The following ARHGAP10 variants were observed in gnomAD, a reference collection of about 807,000 sequenced individuals.
ARHGAP10 encodes rho GTPase-activating protein 10.
In ARHGAP10, 87 loss-of-function variants were observed where a neutral mutation model predicts 108.6. The observed-to-expected ratio is 0.80, with a 90% CI of 0.67 to 0.96. The LOEUF is 0.96. ARHGAP10 is among the 40% of genes least tolerant of loss of function. The probability of loss-of-function intolerance (pLI) is 0.00; values close to 1 mark genes in which losing one functional copy is unlikely to be tolerated. For synonymous variants in ARHGAP10, 347 were observed against 341.1 expected (o/e 1.02, Z -0.19); for missense variants, 939 against 954.5 (o/e 0.98, Z 0.21).
intron 14 of ARHGAP10, among the ~76,000 whole-genome samples, chr4:147,943,524 C>G (rs1057117636): frequency 1.3e-5 from 2 of 152,176 alleles, no homozygotes; most frequent in African/African-American, 4.8e-5. Context: ...TAAAATTGCA[C>G]TTTGCATTTA....
chr4:148,038,509 G>T (rs1239941789), intron 19 of ARHGAP10, among the ~76,000 whole-genome samples: 1 of 152,068 alleles, frequency 6.6e-6, no homozygotes, highest in Non-Finnish European at 1.5e-5. Context: ...GATTCTTGAG[G>T]GTATCCTTTC....
At chr4:147,810,545 A>G (rs1280108188) in intron 1 of ARHGAP10, among the ~76,000 whole-genome samples, 1 of 152,228 alleles carries the variant, frequency 6.6e-6, no homozygotes, top group Non-Finnish European at 1.5e-5. Flanking sequence ...CTCATCTTTA[A>G]TACAAATTCT....
At chr4:147,995,884 T>G (rs1740455145) in intron 18 of ARHGAP10, among the ~76,000 whole-genome samples, 1 of 152,012 alleles carries the variant, frequency 6.6e-6, no homozygotes, top group Non-Finnish European at 1.5e-5. Context: ...GCCTGGCTAA[T>G]TTTTTTGTAT....
chr4:147,837,397 T>C (rs1167721481), intron 3 of ARHGAP10, among the ~76,000 whole-genome samples: 1 of 152,190 alleles, frequency 6.6e-6, no homozygotes, highest in East Asian at 1.9e-4. Flanking sequence ...CACTAGCTAG[T>C]TTGAACATAA....
At chr4:148,041,338 G>A (rs182998666) in intron 19 of ARHGAP10, among the ~76,000 whole-genome samples, 1 of 152,318 alleles carries the variant, frequency 6.6e-6, no homozygotes, top group East Asian at 1.9e-4. Flanking sequence ...AGGGATTTCA[G>A]GGGGGAACTA....
At chr4:147,951,516 T>G (rs753125154) in intron 15 of ARHGAP10, among the ~76,000 whole-genome samples, 7 of 152,040 alleles carry the variant, frequency 4.6e-5, no homozygotes, top group Non-Finnish European at 5.9e-5. Context: ...AGTTTATGGT[T>G]GTCATTTTGT....
chr4:147,747,241 G>A (rs1040425940), intron 1 of ARHGAP10, among the ~76,000 whole-genome samples: 1 of 151,978 alleles, frequency 6.6e-6, no homozygotes, highest in Non-Finnish European at 1.5e-5. Flanking sequence ...TGTCTACAGG[G>A]AATAAAATGC....
intron 3 of ARHGAP10, among the ~76,000 whole-genome samples, chr4:147,830,012 C>T (rs1253919885): frequency 1.3e-5 from 2 of 152,194 alleles, no homozygotes; most frequent in Admixed American, 6.5e-5. Flanking sequence ...TTCCGCCTCC[C>T]TCTCATCCTG....
chr4:147,775,329 C>T (rs1730240983), intron 1 of ARHGAP10, among the ~76,000 whole-genome samples: 1 of 152,190 alleles, frequency 6.6e-6, no homozygotes, highest in Non-Finnish European at 1.5e-5. Flanking sequence ...ATGAGTTCTG[C>T]TGTTTGCTGT....
chr4:147,903,319 A>G (rs4529033), intron 10 of ARHGAP10, among the ~76,000 whole-genome samples: 142,296 of 152,276 alleles, frequency 0.93, 67,161 homozygotes, highest in Non-Finnish European at 1. Context: ...TTTTTAAAGA[A>G]TAGTTTTCAG....
chr4:147,934,335 T>A lies in ARHGAP10; in HGVS notation c.1229-5490T>A, dbSNP rs111634876. 3.9e-4 allele frequency among the ~76,000 whole-genome samples: 59 copies of A among 152,296 alleles called. 3 individuals carry two copies. Among genetic ancestry groups the A allele is most frequent in the African/African-American group, 1.3e-3 (56 of 41,568 alleles). ...GCACTCTCAAAGTGACCCTCCCAGG[T>A]CTTGGGCTCCACCAAGGTTTCACAA... On this transcript the variant is annotated intron_variant, in intron 13 of 22. Transcript: ENST00000336498.
At position 147,847,159 on chromosome 4, in the gene ARHGAP10, T is replaced by C. The variant is rs150761428; in HGVS notation, c.321T>C (p.Ser107=). Residue 107 remains serine, a synonymous_variant, in exon 4 of 23, where the codon AGT becomes AGC. Transcript: ENST00000336498. ...LEEQREIMAL[S]VTETLIKPLE... is the part of the protein sequence containing the mutation. Reference sequence around the variant, plus strand: ...TCACTCTTGTTCTCTAGGCATTAAGTGTAACTGAAACCCTGATTAAACCCT... The same window carrying C: ...TCACTCTTGTTCTCTAGGCATTAAGCGTAACTGAAACCCTGATTAAACCCT... 908 of 1,612,802 alleles carry C rather than the reference T, an allele frequency of 5.6e-4. 7 individuals are homozygous for C. Among genetic ancestry groups the C allele is most frequent in the Admixed American group, 2.7e-4 (16 of 59,998 alleles).
intron 7 of ARHGAP10, among the ~76,000 whole-genome samples, chr4:147,872,014 A>G (rs1734843050): frequency 6.7e-6 from 1 of 149,224 alleles, no homozygotes; most frequent in Non-Finnish European, 1.5e-5. Context: ...AGGTGGGAGG[A>G]TCATTTGAGC....
intron 16 of ARHGAP10, among the ~76,000 whole-genome samples, chr4:147,963,273 C>G (rs1055494166): frequency 6.6e-6 from 1 of 152,064 alleles, no homozygotes; most frequent in African/African-American, 2.4e-5. Context: ...TGGAATGTTC[C>G]CCTTGCCCCT....
chr4:147,737,609 C>G (rs1345127653), intron 1 of ARHGAP10, among the ~76,000 whole-genome samples: 2 of 152,212 alleles, frequency 1.3e-5, no homozygotes, highest in Non-Finnish European at 2.9e-5. Flanking sequence ...GAATACTCAT[C>G]TACACTCTTT....
rs563993289 is a variant in ARHGAP10 at position 148,048,902 on chromosome 4, C to T, written c.2027+1851C>T. ...AAAATGTCATGAAAAGCACTCCAAC[C>T]TTGAGAGGCCAAAAAGGGGGTTGGG... On this transcript the variant is annotated intron_variant, in intron 20 of 22. Transcript: ENST00000336498. Among the ~76,000 whole-genome samples, 15 of 151,434 alleles carry T rather than the reference C, an allele frequency of 9.9e-5. No homozygotes were observed. In the East Asian group the frequency reaches 2.9e-3, roughly 29 times the overall value.
intron 10 of ARHGAP10, among the ~76,000 whole-genome samples, chr4:147,887,462 C>T (rs1425877141): frequency 1.3e-5 from 2 of 152,116 alleles, no homozygotes; most frequent in Non-Finnish European, 2.9e-5. Context: ...AAAGCCACTA[C>T]AGCCACCATC....
chr4:148,048,958 A>G (rs1560892175), intron 20 of ARHGAP10, among the ~76,000 whole-genome samples: 1 of 140,680 alleles, frequency 7.1e-6, no homozygotes, highest in African/African-American at 2.6e-5. Flanking sequence ...TGGAAAGGAG[A>G]TTTTTTTTTT....
chr4:148,012,778 A>T (rs1426783632), intron 18 of ARHGAP10, among the ~76,000 whole-genome samples: 1 of 152,200 alleles, frequency 6.6e-6, no homozygotes, highest in Non-Finnish European at 1.5e-5. Context: ...TAGGAACCTG[A>T]GGTCCATATA....
Sources: gnomAD v4.1 joint callset for allele counts (sites outside exome capture counted in the v4.1 genomes callset) on GRCh38, gnomAD v4.1.1 for gene constraint, MANE v1.5 for transcripts, NCBI Gene and HGNC (gene_info 2026-07-23, HGNC 2026-07-21) for gene names.